Variants in MEF2A observed in about 807,000 individuals in gnomAD.
The protein encoded by MEF2A is myocyte-specific enhancer factor 2A.
MEF2A carries 28 observed loss-of-function variants against 55.8 expected under a neutral mutation model. The observed-to-expected ratio is 0.50, with a 90% confidence interval of 0.37 to 0.69. MEF2A has a LOEUF of 0.69. Ranked by LOEUF, MEF2A falls within the 30% of genes least tolerant of loss-of-function variation. MEF2A has a pLI of 0.00. For synonymous variants in MEF2A, 239 were observed against 227.1 expected (o/e 1.05, Z -0.47); for missense variants, 528 against 626.2 (o/e 0.84, Z 1.67).
At chr15:99,683,431 G>A in intron 7 of MEF2A, among the ~76,000 whole-genome samples, 1 of 152,188 alleles carries the variant, frequency 6.6e-6, no homozygotes, top group African/African-American at 2.4e-5. Context: ...GTTTGAGACA[G>A]GATCTCACTC....
At chr15:99,572,016 T>TTG (rs1962544424) in intron 1 of MEF2A, among the ~76,000 whole-genome samples, 1 of 148,548 alleles carries the variant, frequency 6.7e-6, no homozygotes, top group African/African-American at 2.4e-5. Context: ...CATAGAAGTT[T>TTG]TTTTTTTTTT....
intron 1 of MEF2A, among the ~76,000 whole-genome samples, chr15:99,590,872 T>A (rs1969039309): frequency 6.6e-6 from 1 of 152,200 alleles, no homozygotes; most frequent in Non-Finnish European, 1.5e-5. Flanking sequence ...TCTTAAAACT[T>A]AAATGTCTTA....
chr15:99,603,808 T>A (rs1974158768), intron 2 of MEF2A, among the ~76,000 whole-genome samples: 1 of 152,188 alleles, frequency 6.6e-6, no homozygotes, highest in African/African-American at 2.4e-5. Context: ...AAGACTTCTG[T>A]GTCCCTTTTG....
chr15:99,664,031 G>T (rs529465417), intron 4 of MEF2A, among the ~76,000 whole-genome samples: 2 of 152,296 alleles, frequency 1.3e-5, no homozygotes, highest in Non-Finnish European at 2.9e-5. Context: ...AAAGATTTTT[G>T]TTGGGGTAGA....
At chr15:99,609,945 A>G in intron 2 of MEF2A, among the ~76,000 whole-genome samples, 1 of 151,994 alleles carries the variant, frequency 6.6e-6, no homozygotes, top group East Asian at 1.9e-4. Flanking sequence ...GCATTTCTTG[A>G]TTCTGGTTTT....
chr15:99,695,316 A>G (rs1298672596), intron 8 of MEF2A, among the ~76,000 whole-genome samples: 2 of 152,224 alleles, frequency 1.3e-5, no homozygotes, highest in Non-Finnish European at 2.9e-5. Flanking sequence ...AAGGTAACTA[A>G]AGGTGTATAT....
intron 4 of MEF2A, among the ~76,000 whole-genome samples, chr15:99,661,094 T>TG (rs1484214954): frequency 1.1e-4 from 17 of 152,150 alleles, no homozygotes; most frequent in Non-Finnish European, 1.8e-4. Flanking sequence ...ACCATGCATA[T>TG]TTAGATACTT....
chr15:99,622,635 C>T (rs1309828583), intron 2 of MEF2A, among the ~76,000 whole-genome samples: 1 of 151,486 alleles, frequency 6.6e-6, no homozygotes. Flanking sequence ...AGGTTAGTGG[C>T]ATTAAATAAA....
chr15:99,703,128 G>A (rs948608885), intron 8 of MEF2A, among the ~76,000 whole-genome samples: 5 of 152,204 alleles, frequency 3.3e-5, no homozygotes, highest in Non-Finnish European at 7.3e-5. Context: ...AGTTGGGGTA[G>A]GAGGGTGTCT....
chr15:99,693,163 A>C (rs559810888), intron 8 of MEF2A, among the ~76,000 whole-genome samples: 1 of 152,328 alleles, frequency 6.6e-6, no homozygotes, highest in Non-Finnish European at 1.5e-5. Context: ...TTCTTGCACT[A>C]ATAGCTTAGC....
At chr15:99,677,497 A>G (rs2052359853) in intron 7 of MEF2A, among the ~76,000 whole-genome samples, 1 of 152,176 alleles carries the variant, frequency 6.6e-6, no homozygotes, top group South Asian at 2.1e-4. Context: ...TTAAGAAACT[A>G]AAAGATAAGA....
At chr15:99,602,511 A>G (rs1446599702) in intron 2 of MEF2A, among the ~76,000 whole-genome samples, 1 of 152,146 alleles carries the variant, frequency 6.6e-6, no homozygotes, top group African/African-American at 2.4e-5. Flanking sequence ...TGTTATAGGG[A>G]AGCGGCTGAT....
chr15:99,672,438 C>T (rs2051073789), intron 5 of MEF2A, among the ~76,000 whole-genome samples: 1 of 152,204 alleles, frequency 6.6e-6, no homozygotes, highest in Non-Finnish European at 1.5e-5. Flanking sequence ...AGAATTCTCA[C>T]TGGAAGCTCC....
At chr15:99,667,499 A>G (rs1199381740) in intron 4 of MEF2A, among the ~76,000 whole-genome samples, 1 of 152,206 alleles carries the variant, frequency 6.6e-6, no homozygotes, top group African/African-American at 2.4e-5. Context: ...CTGGGATTAC[A>G]GGCGTCAGCC....
rs34835966 is a variant in MEF2A, at chr15:99,601,510, G to GTT, written c.-143+3017_-143+3018dup. Among the ~76,000 whole-genome samples the GTT allele has an allele frequency of 4.2e-3, 473 of 113,816 alleles. 7 individuals carry two copies. The highest frequency in any genetic ancestry group is 0.01 in the East Asian group (39 of 3,746). 74.7% of individuals were successfully genotyped at this position (113,816 alleles called of 152,430 possible). On this transcript the variant is annotated intron_variant, in intron 2 of 11. Transcript: ENST00000557942. ...AGTTTTTCACCAGGTCTTGGTCAGA[G>GTT]TTTTTTTTTTTTTTTTTTTCGTTTT...
rs181594577 is a variant in MEF2A, at chr15:99,641,912, A to G, written c.55-3649A>G. On this transcript the variant is annotated intron_variant, in intron 3 of 11. Coordinates refer to ENST00000557942, the MANE Select transcript of MEF2A (RefSeq NM_001319206.4). The stretch of plus-strand genomic sequence containing the variant: ...CACTGCCACACAGTAGCTTTGTTTT[A>G]GAAGCTGAGCGTGCAGCATTGAACT... Among the ~76,000 whole-genome samples the G allele has an allele frequency of 2.0e-5, 3 of 152,304 alleles. No individual in the cohort carries two copies. In the East Asian group the frequency reaches 5.8e-4, roughly 29 times the overall value.
At chr15:99,694,504 C>A (rs2056104639) in intron 8 of MEF2A, among the ~76,000 whole-genome samples, 1 of 152,196 alleles carries the variant, frequency 6.6e-6, no homozygotes, top group South Asian at 2.1e-4. Context: ...TGTTGGTGCT[C>A]AACAGGTTTT....
chr15:99,638,982 T>C lies in MEF2A; in HGVS notation c.54+5809T>C, dbSNP rs188476800. The stretch of plus-strand genomic sequence containing the variant: ...GTTTTACTAGTTGATTTCAGTGGGT[T>C]CTTTGGTCTTCCAACAACTACTCCC... On this transcript the variant is annotated intron_variant, in intron 3 of 11. Transcript: ENST00000557942. Among the ~76,000 whole-genome samples the C allele has an allele frequency of 2.5e-4, 38 of 152,304 alleles. No individual in the cohort carries two copies. The East Asian group carries it at 7.1e-3, about 29-fold the overall frequency.
chr15:99,625,666 T>G (rs1482870060), intron 2 of MEF2A, among the ~76,000 whole-genome samples: 2 of 152,106 alleles, frequency 1.3e-5, no homozygotes, highest in Admixed American at 1.3e-4. Flanking sequence ...CCTAGTTTGG[T>G]TGAGTGTTTT....
Sources: allele counts gnomAD v4.1 joint callset (sites outside exome capture counted in the v4.1 genomes callset), GRCh38; gene constraint gnomAD v4.1.1; transcripts MANE v1.5; gene names NCBI Gene and HGNC (gene_info 2026-07-23, HGNC 2026-07-21).